NLGN1: variants seen among roughly 807,000 people sequenced by gnomAD.
NLGN1 encodes the protein neuroligin-1.
In NLGN1, 12 loss-of-function variants were observed where a neutral mutation model predicts 65.5. The observed-to-expected ratio is 0.18, with a 90% CI of 0.12 to 0.30. NLGN1 has a LOEUF of 0.30. NLGN1 is among the 10% of genes least tolerant of loss of function. NLGN1 has a pLI of 1.00. For missense variants in NLGN1, 750 were observed against 1,007.1 expected, an observed-to-expected ratio of 0.74 and a Z score of 3.46; for synonymous variants, 350 against 359.5, an observed-to-expected ratio of 0.97 and a Z score of 0.30.
chr3:174,226,193 G>GCT (rs1739657010), intron 4 of NLGN1, among the ~76,000 whole-genome samples: 1 of 152,132 alleles, frequency 6.6e-6, no homozygotes, highest in South Asian at 2.1e-4. Flanking sequence ...TATGAGCACA[G>GCT]CTATGAAATA....
intron 2 of NLGN1, among the ~76,000 whole-genome samples, chr3:173,543,534 G>C (rs1739248928): frequency 6.6e-6 from 1 of 152,090 alleles, no homozygotes; most frequent in Admixed American, 6.6e-5. Context: ...AGTGTCCACT[G>C]AGTGAAAAGT....
intron 4 of NLGN1, among the ~76,000 whole-genome samples, chr3:174,237,524 A>G (rs1741943601): frequency 3.3e-5 from 5 of 152,082 alleles, no homozygotes; most frequent in South Asian, 2.1e-4. Flanking sequence ...TTAGCATTCT[A>G]TTGTTTTTAT....
intron 4 of NLGN1, among the ~76,000 whole-genome samples, chr3:174,008,726 C>G (rs1301823642): frequency 2.0e-5 from 3 of 151,892 alleles, no homozygotes; most frequent in Non-Finnish European, 4.4e-5. Flanking sequence ...ACACAGGGCC[C>G]CAGATAATCA....
At chr3:173,713,815 T>G (rs1769389578) in intron 3 of NLGN1, among the ~76,000 whole-genome samples, 1 of 152,124 alleles carries the variant, frequency 6.6e-6, no homozygotes, top group Admixed American at 6.6e-5. Flanking sequence ...ATGATTACAT[T>G]CCTTAGCTTA....
In NLGN1 at chr3:173,705,588, G is replaced by A. The variant is rs562792508; in HGVS notation, c.493+100497G>A. Among the ~76,000 whole-genome samples the A allele has an allele frequency of 2.6e-3, 397 of 152,002 alleles. 2 individuals are homozygous for A. Among genetic ancestry groups the A allele is most frequent in the African/African-American group, 9.3e-3 (384 of 41,458 alleles). On this transcript the variant is annotated intron_variant, in intron 3 of 6. Transcript: ENST00000457714. ...AAATGTTGTTGAAAGATTATTTGAGGGACTATTCCTTTTTATGGAAAAGAG... is the reference window on the plus strand; with the variant it reads ...AAATGTTGTTGAAAGATTATTTGAGAGACTATTCCTTTTTATGGAAAAGAG...
At chr3:173,702,980 G>A (rs1767479172) in intron 3 of NLGN1, among the ~76,000 whole-genome samples, 1 of 151,954 alleles carries the variant, frequency 6.6e-6, no homozygotes, top group Non-Finnish European at 1.5e-5. Flanking sequence ...CAGAAAATGA[G>A]ATCTTCCCTA....
intron 4 of NLGN1, among the ~76,000 whole-genome samples, chr3:174,016,242 TAGAG>T (rs1726525530): frequency 6.6e-6 from 1 of 152,154 alleles, no homozygotes; most frequent in South Asian, 2.1e-4. Context: ...TGAAGACCGT[TAGAG>T]TGAGCATCAG....
intron 4 of NLGN1, among the ~76,000 whole-genome samples, chr3:174,078,247 C>G (rs781513277): frequency 2.6e-5 from 4 of 152,076 alleles, no homozygotes; most frequent in Non-Finnish European, 5.9e-5. Context: ...GTATGTGTGT[C>G]AGATTCATCC....
At chr3:173,849,470 A>T (rs760596072) in intron 4 of NLGN1, among the ~76,000 whole-genome samples, 128 of 141,034 alleles carry the variant, frequency 9.1e-4, no homozygotes, top group Admixed American at 2.5e-3. Flanking sequence ...TGTGTCCTTC[A>T]TCTGAATATA....
rs115963729 is a variant in NLGN1 at position 173,401,562 on chromosome 3, C to T, written c.-390+3075C>T. ...ATTGTGTCTTTTTTTATGGTGTGAA[C>T]ATTCTCCCCATAGACTTCCATTCTC... On this transcript the variant is annotated intron_variant, in intron 1 of 6. Transcript: ENST00000457714. Among the ~76,000 whole-genome samples the T allele has an allele frequency of 2.7e-3, 414 of 152,064 alleles. 2 individuals carry two copies. Among genetic ancestry groups the T allele is most frequent in the African/African-American group, 9.0e-3 (373 of 41,486 alleles).
intron 4 of NLGN1, among the ~76,000 whole-genome samples, chr3:173,836,323 T>C (rs1723623447): frequency 6.6e-6 from 1 of 152,142 alleles, no homozygotes; most frequent in South Asian, 2.1e-4. Context: ...TAAGATTTTA[T>C]TCATAAAACA....
intron 3 of NLGN1, among the ~76,000 whole-genome samples, chr3:173,627,863 C>G (rs1274473605): frequency 6.7e-6 from 1 of 148,950 alleles, no homozygotes; most frequent in African/African-American, 2.5e-5. Context: ...GTTGGCTGTT[C>G]AGAAAAAAAA....
chr3:174,125,978 C>G (rs952524031), intron 4 of NLGN1, among the ~76,000 whole-genome samples: 7 of 152,114 alleles, frequency 4.6e-5, no homozygotes, highest in African/African-American at 1.7e-4. Flanking sequence ...TTACATCTAA[C>G]TTTTAGTCTC....
chr3:173,655,734 T>C (rs1279957723), intron 3 of NLGN1, among the ~76,000 whole-genome samples: 2 of 146,664 alleles, frequency 1.4e-5, no homozygotes, highest in African/African-American at 2.6e-5. Flanking sequence ...TAAAAATTCA[T>C]GTATAATAAG....
At chr3:173,864,684 A>G (rs112368652) in intron 4 of NLGN1, among the ~76,000 whole-genome samples, 1 of 152,214 alleles carries the variant, frequency 6.6e-6, no homozygotes, top group African/African-American at 2.4e-5. Flanking sequence ...CTGTTTATGT[A>G]TGCAACTGAA....
intron 2 of NLGN1, among the ~76,000 whole-genome samples, chr3:173,513,472 A>G (rs1733315117): frequency 2.0e-5 from 3 of 152,068 alleles, no homozygotes; most frequent in South Asian, 2.1e-4. Context: ...GTGATTTTCT[A>G]TATTTGCCTT....
intron 1 of NLGN1, among the ~76,000 whole-genome samples, chr3:173,402,777 C>G (rs1311463189): frequency 6.6e-6 from 1 of 152,126 alleles, no homozygotes; most frequent in African/African-American, 2.4e-5. Context: ...GCAAACTTCC[C>G]TTTATGCCTG....
chr3:174,038,081 C>G (rs150115994), intron 4 of NLGN1, among the ~76,000 whole-genome samples: 26 of 152,022 alleles, frequency 1.7e-4, no homozygotes, highest in African/African-American at 6.0e-4. Context: ...AGGCATGAAG[C>G]CTGCTGAAGA....
chr3:173,978,470 T>C (rs966955108), intron 4 of NLGN1, among the ~76,000 whole-genome samples: 2 of 151,974 alleles, frequency 1.3e-5, no homozygotes, highest in Non-Finnish European at 2.9e-5. Context: ...AATGAAGTCA[T>C]GAATGTTCAT....
Sources: gnomAD v4.1 joint callset for allele counts (sites outside exome capture counted in the v4.1 genomes callset) on GRCh38, gnomAD v4.1.1 for gene constraint, MANE v1.5 for transcripts, NCBI Gene and HGNC (gene_info 2026-07-23, HGNC 2026-07-21) for gene names.